The following DPP6 variants were observed in gnomAD, a reference collection of about 807,000 sequenced individuals.
DPP6 encodes dipeptidyl peptidase like 6, also known as A-type potassium channel modulatory protein DPP6.
Under a neutral mutation model 122.6 loss-of-function variants are expected in DPP6, and 69 were observed. The ratio of observed to expected loss-of-function variants is 0.56; its 90% CI spans 0.46 to 0.69. The LOEUF (loss-of-function observed/expected upper bound fraction) is 0.69, where lower values mean the gene tolerates loss of function less well. Ranked by LOEUF, DPP6 falls within the 30% of genes least tolerant of loss-of-function variation. The pLI is 0.00. For missense variants in DPP6, 928 were observed against 1,116.9 expected (o/e 0.83, Z 2.41); for synonymous variants, 418 against 433.1 (o/e 0.97, Z 0.43).
chr7:154,342,689 A>G (rs747354758), intron 1 of DPP6, among the ~76,000 whole-genome samples: 11 of 152,180 alleles, frequency 7.2e-5, no homozygotes, highest in Non-Finnish European at 1.0e-4. Context: ...GTACCTTTCA[A>G]TCTTCAAGCA....
intron 5 of DPP6, among the ~76,000 whole-genome samples, chr7:154,576,844 AGAG>A (rs1418778070): frequency 2.0e-5 from 3 of 152,174 alleles, no homozygotes; most frequent in East Asian, 3.9e-4. Context: ...AGGTATTTTC[AGAG>A]GAGTGGTGAT....
intron 1 of DPP6, among the ~76,000 whole-genome samples, chr7:154,300,096 T>C (rs1412786197): frequency 1.3e-5 from 2 of 152,182 alleles, no homozygotes; most frequent in African/African-American, 4.8e-5. Flanking sequence ...TCTGAGAAAT[T>C]GCTAATAGAA....
At chr7:153,954,173 G>A (rs537523820) in intron 1 of DPP6, among the ~76,000 whole-genome samples, 1 of 152,278 alleles carries the variant, frequency 6.6e-6, no homozygotes, top group African/African-American at 2.4e-5. Context: ...TCTACAATTA[G>A]CCCTTACAAG....
At chr7:154,268,531 G>A (rs1803581554) in intron 1 of DPP6, among the ~76,000 whole-genome samples, 1 of 152,164 alleles carries the variant, frequency 6.6e-6, no homozygotes, top group Non-Finnish European at 1.5e-5. Flanking sequence ...CCCTTCCGGA[G>A]GCCTTGCCTC....
At chr7:153,794,646 A>G in the DPP6 span, among the ~76,000 whole-genome samples, 155 of 152,240 alleles carry the variant, frequency 1.0e-3, no homozygotes, top group East Asian at 0.027. Context: ...TGGTTTTGAT[A>G]TGTGAGGACA....
chr7:154,389,976 T>C (rs1814470894), intron 1 of DPP6, among the ~76,000 whole-genome samples: 1 of 152,240 alleles, frequency 6.6e-6, no homozygotes. Flanking sequence ...AATTCTAAAG[T>C]GGTCTAATTT....
rs144176489 is a variant in DPP6, at chr7:154,086,895, A to C, written c.243+33832A>C. ...GCCTCCTAAAGTAGAGCCTACTTGT[A>C]TATTGCTAAGGGCCCAGTGAAGAAG... On this transcript the variant is annotated intron_variant, in intron 1 of 25. Transcript: ENST00000377770. Among the ~76,000 whole-genome samples, 1,505 of 152,240 alleles carry C rather than the reference A, an allele frequency of 9.9e-3. 26 individuals carry two copies. The highest frequency in any genetic ancestry group is 0.033 in the African/African-American group (1,390 of 41,546).
intron 1 of DPP6, among the ~76,000 whole-genome samples, chr7:154,350,953 C>G (rs1810801399): frequency 6.6e-6 from 1 of 152,126 alleles, no homozygotes; most frequent in Non-Finnish European, 1.5e-5. Flanking sequence ...GAGGCTGTTC[C>G]TCGGAGGGCA....
At position 153,961,243 on chromosome 7, in the gene DPP6, C is replaced by G. The variant is rs1478400863; in HGVS notation, c.51+73509C>G. On this transcript the variant is annotated intron_variant, in intron 1 of 25. Transcript: ENST00000404039. ...CAGGAACTCCCTAGCCAGGTGGAAC[C>G]TGTGGCAGGAATCCACAAGCTGTGA... Among the ~76,000 whole-genome samples the G allele has an allele frequency of 2.7e-5, 4 of 150,582 alleles. No homozygotes were observed. In the East Asian group the frequency reaches 7.9e-4, roughly 30 times the overall value.
chr7:154,445,381 T>C (rs1819774373), intron 1 of DPP6, among the ~76,000 whole-genome samples: 1 of 152,208 alleles, frequency 6.6e-6, no homozygotes, highest in Non-Finnish European at 1.5e-5. Context: ...TTTTTGTCTC[T>C]CAAAGAATCA....
chr7:154,307,885 A>AT (rs1267550162), intron 1 of DPP6, among the ~76,000 whole-genome samples: 1 of 135,752 alleles, frequency 7.4e-6, no homozygotes, highest in Non-Finnish European at 1.6e-5. Flanking sequence ...TTTTTAATTT[A>AT]TTTTTTGAGT....
the DPP6 span, among the ~76,000 whole-genome samples, chr7:153,806,703 A>G: frequency 9.4e-3 from 1,429 of 152,048 alleles, 16 homozygotes; most frequent in Middle Eastern, 0.027. Flanking sequence ...TCCTCATAAC[A>G]TATTTTCTCC....
intron 1 of DPP6, among the ~76,000 whole-genome samples, chr7:154,334,722 C>T (rs187561036): frequency 6.6e-6 from 1 of 152,216 alleles, no homozygotes; most frequent in Admixed American, 6.5e-5. Flanking sequence ...ATAGTGAAAC[C>T]CCATCTCTAC....
intron 1 of DPP6, among the ~76,000 whole-genome samples, chr7:154,181,243 T>C (rs1046502601): frequency 6.6e-6 from 1 of 152,224 alleles, no homozygotes; most frequent in African/African-American, 2.4e-5. Context: ...CCTGAGATTA[T>C]GACCATTTCT....
the DPP6 span, among the ~76,000 whole-genome samples, chr7:153,843,928 G>A: frequency 4.6e-5 from 7 of 152,134 alleles, no homozygotes; most frequent in Non-Finnish European, 8.8e-5. Context: ...AGGCCTAGAA[G>A]AGCTGCGGCA....
chr7:154,213,073 G>A (rs535833215), intron 1 of DPP6, among the ~76,000 whole-genome samples: 13 of 152,186 alleles, frequency 8.5e-5, no homozygotes, highest in African/African-American at 3.1e-4. Context: ...GCTCTCGAAG[G>A]GCTGTGTCCT....
At chr7:154,655,595 T>C (rs1236812947) in intron 6 of DPP6, among the ~76,000 whole-genome samples, 1 of 152,236 alleles carries the variant, frequency 6.6e-6, no homozygotes, top group East Asian at 1.9e-4. Context: ...TCTTTCTCTC[T>C]GCCTGTCTTC....
chr7:154,000,108 A>T (rs1797626164), intron 1 of DPP6, among the ~76,000 whole-genome samples: 1 of 150,716 alleles, frequency 6.6e-6, no homozygotes, highest in Admixed American at 6.6e-5. Context: ...ATGAAGAATG[A>T]ATAGGTTCCG....
chr7:154,155,212 G>T (rs1462666814), intron 1 of DPP6, among the ~76,000 whole-genome samples: 1 of 152,204 alleles, frequency 6.6e-6, no homozygotes, highest in Non-Finnish European at 1.5e-5. Context: ...CCATCCCAGT[G>T]GGGATCCAAA....
Sources: gnomAD v4.1 joint callset for allele counts (sites outside exome capture counted in the v4.1 genomes callset) on GRCh38, gnomAD v4.1.1 for gene constraint, MANE v1.5 for transcripts, NCBI Gene and HGNC (gene_info 2026-07-23, HGNC 2026-07-21) for gene names.